TBCK: variants seen among roughly 807,000 people sequenced by gnomAD.
TBCK encodes TBC1 domain containing kinase.
Under a neutral mutation model 113.4 loss-of-function variants are expected in TBCK, and 99 were observed. The observed-to-expected ratio is 0.87, with a 90% CI of 0.74 to 1.03. The LOEUF (loss-of-function observed/expected upper bound fraction) is 1.03, where lower values mean the gene tolerates loss of function less well. Ranked by LOEUF, TBCK falls within the 50% of genes least tolerant of loss-of-function variation. TBCK has a pLI of 0.00. For missense variants in TBCK, 1,045 were observed against 1,061.3 expected (o/e 0.98, Z 0.21); for synonymous variants, 369 against 370.8 (o/e 1.00, Z 0.05).
At chr4:106,283,934 A>G (rs554004139) in intron 3 of TBCK, among the ~76,000 whole-genome samples, 1 of 152,320 alleles carries the variant, frequency 6.6e-6, no homozygotes, top group African/African-American at 2.4e-5. Flanking sequence ...GATTTAAACT[A>G]AAGAATGTAT....
chr4:106,242,995 G>C (rs910179627), intron 11 of TBCK, among the ~76,000 whole-genome samples: 2 of 151,522 alleles, frequency 1.3e-5, no homozygotes, highest in African/African-American at 4.8e-5. Flanking sequence ...AGTTTACTGA[G>C]AATGATGATT....
intron 23 of TBCK, among the ~76,000 whole-genome samples, chr4:106,123,197 T>A (rs558919837): frequency 2.6e-5 from 4 of 152,284 alleles, no homozygotes; most frequent in South Asian, 4.1e-4. Flanking sequence ...ACAAAATCAA[T>A]GTAGAAAAAT....
intron 23 of TBCK, among the ~76,000 whole-genome samples, chr4:106,135,533 T>G (rs1254476756): frequency 7.1e-6 from 1 of 141,126 alleles, no homozygotes; most frequent in Non-Finnish European, 1.6e-5. Context: ...AAACACAATA[T>G]GGGCAGAAGT....
At chr4:106,175,716 AACC>A (rs1298469616) in intron 22 of TBCK, among the ~76,000 whole-genome samples, 4 of 152,138 alleles carry the variant, frequency 2.6e-5, no homozygotes, top group African/African-American at 9.6e-5. Context: ...AAAATATTTC[AACC>A]ACAACAATGA....
Position 106,262,112 on chromosome 4 carries a change from G to T in TBCK, c.367C>A (p.Leu123Met). 6.5e-7 allele frequency: 1 copy of T among 1,531,936 alleles called. No homozygotes were observed. The highest frequency in any genetic ancestry group is 8.8e-7 in the Non-Finnish European group (1 of 1,135,564). The allele number at this position is 1,531,936 out of a possible 1,614,324, so 94.9% of individuals were successfully genotyped here. Residue 123 changes from leucine (L) to methionine (M), a missense_variant, in exon 4 of 26, where the codon CTG becomes ATG. By Grantham distance (15) the Leu-to-Met change is conservative. Transcript: ENST00000394708. ...TTAACAATTACCTTTCGGTCCAACA[G>T]GATATTATGAGGAGACAATGCCCTG... ...VHRALSPHNI[L>M]LDRKGHIKLA...
intron 22 of TBCK, among the ~76,000 whole-genome samples, chr4:106,178,619 T>C (rs1028895010): frequency 3.9e-5 from 6 of 152,054 alleles, no homozygotes; most frequent in African/African-American, 1.4e-4. Context: ...AGCATGTTTA[T>C]TGATTTGCAT....
chr4:106,262,276 TGAAATGTGACCTAGTGAAAA>T, intron 3 of TBCK, 64 bp from the exon 4 acceptor site: 1 of 882,572 alleles, frequency 1.1e-6, no homozygotes, highest in Non-Finnish European at 1.8e-6. Flanking sequence ...TTTTAACAAG[TGAAATGTGACCTAGTGAAAA>T]TATTCAAAAA....
intron 25 of TBCK, among the ~76,000 whole-genome samples, chr4:106,066,163 C>A (rs1187939392): frequency 6.6e-6 from 1 of 151,976 alleles, no homozygotes; most frequent in African/African-American, 2.4e-5. Flanking sequence ...ATTCTGTCTT[C>A]TATGTGAGTT....
intron 19 of TBCK, among the ~76,000 whole-genome samples, chr4:106,223,504 T>C (rs1483617240): frequency 2.0e-5 from 3 of 152,142 alleles, no homozygotes; most frequent in South Asian, 2.1e-4. Context: ...CCCAATTTAG[T>C]TGTACAGTCA....
chr4:106,110,527 G>C (rs1190927794), intron 24 of TBCK, among the ~76,000 whole-genome samples: 3 of 152,174 alleles, frequency 2.0e-5, no homozygotes, highest in African/African-American at 7.2e-5. Flanking sequence ...AAAGGTAGCA[G>C]AGCCTTGGTT....
At chr4:106,259,862 A>G (rs1023737176) in intron 5 of TBCK, among the ~76,000 whole-genome samples, 2 of 151,968 alleles carry the variant, frequency 1.3e-5, no homozygotes, top group Non-Finnish European at 2.9e-5. Context: ...ATATGCATGA[A>G]ACAACCTTCC....
intron 2 of TBCK, among the ~76,000 whole-genome samples, chr4:106,296,830 C>T (rs1766362729): frequency 6.6e-6 from 1 of 151,630 alleles, no homozygotes; most frequent in Non-Finnish European, 1.5e-5. Context: ...TAAAAGAACA[C>T]TTAATGAGAA....
chr4:106,098,190 GT>G (rs983119332), intron 24 of TBCK, among the ~76,000 whole-genome samples: 1 of 151,918 alleles, frequency 6.6e-6, no homozygotes, highest in Admixed American at 6.6e-5. Flanking sequence ...CTACACTAAT[GT>G]TTTACATTTT....
intron 19 of TBCK, among the ~76,000 whole-genome samples, chr4:106,225,046 T>C (rs1560858569): frequency 6.6e-6 from 1 of 152,184 alleles, no homozygotes; most frequent in African/African-American, 2.4e-5. Flanking sequence ...TGAAGTCCTT[T>C]GGGAAAGGAA....
chr4:106,075,747 C>T (rs908875631), intron 25 of TBCK, among the ~76,000 whole-genome samples: 29 of 152,122 alleles, frequency 1.9e-4, no homozygotes, highest in African/African-American at 7.0e-4. Flanking sequence ...AAACATTTGG[C>T]AATCTTAAAA....
intron 19 of TBCK, among the ~76,000 whole-genome samples, chr4:106,215,672 T>A (rs1211479041): frequency 1.3e-5 from 2 of 152,076 alleles, no homozygotes; most frequent in Non-Finnish European, 2.9e-5. Flanking sequence ...CTAACTATCC[T>A]AAATATATAT....
At position 106,071,413 on chromosome 4, in the gene TBCK, T is replaced by G. The variant is rs546774214; in HGVS notation, c.2571+24069A>C. Among the ~76,000 whole-genome samples the G allele has an allele frequency of 3.0e-4, 45 of 152,328 alleles. No homozygotes were observed. In the South Asian group the frequency reaches 9.3e-3, roughly 32 times the overall value. ...TTCCATGTAGTTGTGTGGTTTTGAG[T>G]GAATTTCTTAATCCTGAGTTCTAGT... On this transcript the variant is annotated intron_variant, in intron 25 of 25. Transcript: ENST00000394708.
At chr4:106,285,879 A>G (rs1765061757) in intron 3 of TBCK, among the ~76,000 whole-genome samples, 1 of 152,238 alleles carries the variant, frequency 6.6e-6, no homozygotes. Flanking sequence ...TTCTATAAAC[A>G]GGTTATAAAA....
intron 25 of TBCK, 150 bp from the exon 26 acceptor site, chr4:106,046,830 TA>T (rs1439243379): frequency 3.9e-6 from 2 of 517,548 alleles, no homozygotes; most frequent in Admixed American, 3.6e-5. Flanking sequence ...GTTATTAATA[TA>T]AATTAAATCA....
Sources: gnomAD v4.1 joint callset for allele counts (sites outside exome capture counted in the v4.1 genomes callset) on GRCh38, gnomAD v4.1.1 for gene constraint, MANE v1.5 for transcripts, NCBI Gene and HGNC (gene_info 2026-07-23, HGNC 2026-07-21) for gene names.